ADAMTSL1: variants seen among roughly 807,000 people sequenced by gnomAD.
ADAMTSL1 encodes the protein ADAMTS like 1.
ADAMTSL1 carries 126 observed loss-of-function variants against 201.8 expected under a neutral mutation model. The ratio of observed to expected loss-of-function variants is 0.62; its 90% CI spans 0.54 to 0.72. The LOEUF (loss-of-function observed/expected upper bound fraction) is 0.72. ADAMTSL1 is among the 30% of genes least tolerant of loss of function. The probability of loss-of-function intolerance (pLI) is 0.00; values close to 1 mark genes in which losing one functional copy is unlikely to be tolerated. For missense variants in ADAMTSL1, 2,679 were observed against 2,277.8 expected, an observed-to-expected ratio of 1.18 and a Z score of -3.59; for synonymous variants, 1,121 against 903.4, an observed-to-expected ratio of 1.24 and a Z score of -4.32.
At chr9:18,899,393 A>G (rs1829866050) in intron 26 of ADAMTSL1, among the ~76,000 whole-genome samples, 1 of 152,364 alleles carries the variant, frequency 6.6e-6, no homozygotes, top group East Asian at 1.9e-4. Context: ...TATAGATTCA[A>G]TGCTATTCCC....
At chr9:18,173,440 G>A (rs1827996435) in intron 2 of ADAMTSL1, among the ~76,000 whole-genome samples, 1 of 151,912 alleles carries the variant, frequency 6.6e-6, no homozygotes, top group African/African-American at 2.4e-5. Context: ...TGAAGGAGAG[G>A]GACTCTTTTT....
chr9:18,085,337 T>G (rs1285000266), intron 1 of ADAMTSL1, among the ~76,000 whole-genome samples: 1 of 152,118 alleles, frequency 6.6e-6, no homozygotes, highest in Non-Finnish European at 1.5e-5. Context: ...TTGCCTCCTC[T>G]TTGAAGAAAG....
chr9:18,521,685 C>T (rs1188295554), intron 2 of ADAMTSL1, among the ~76,000 whole-genome samples: 1 of 151,790 alleles, frequency 6.6e-6, no homozygotes, highest in Admixed American at 6.6e-5. Flanking sequence ...GGGAGCAAGC[C>T]CCCTCAAAAT....
At chr9:18,767,156 A>T (rs1335137883) in intron 16 of ADAMTSL1, among the ~76,000 whole-genome samples, 2 of 152,144 alleles carry the variant, frequency 1.3e-5, no homozygotes, top group Non-Finnish European at 2.9e-5. Context: ...GTTCCATTTT[A>T]GGCATGTTTA....
intron 1 of ADAMTSL1, among the ~76,000 whole-genome samples, chr9:18,044,406 G>A (rs1391728116): frequency 6.6e-6 from 1 of 152,160 alleles, no homozygotes; most frequent in East Asian, 1.9e-4. Flanking sequence ...GGACCATGTG[G>A]TGGGATGGTT....
intron 14 of ADAMTSL1, among the ~76,000 whole-genome samples, chr9:18,712,759 A>G (rs1832692342): frequency 1.3e-5 from 2 of 152,146 alleles, no homozygotes; most frequent in South Asian, 2.1e-4. Context: ...CGCCACAAAG[A>G]TACTCCTCGA....
intron 3 of ADAMTSL1, among the ~76,000 whole-genome samples, chr9:18,569,973 G>T (rs762723130): frequency 1.3e-5 from 2 of 152,156 alleles, no homozygotes; most frequent in African/African-American, 4.8e-5. Context: ...GCATCAAAAA[G>T]CATCTCTCCA....
chr9:18,367,963 G>T (rs1045169391), intron 2 of ADAMTSL1, among the ~76,000 whole-genome samples: 1 of 151,930 alleles, frequency 6.6e-6, no homozygotes, highest in African/African-American at 2.4e-5. Context: ...GCAGTGGCGC[G>T]ATCTCGGCTC....
At chr9:18,199,532 A>AAGTT (rs774974819) in intron 2 of ADAMTSL1, among the ~76,000 whole-genome samples, 184 of 152,228 alleles carry the variant, frequency 1.2e-3, no homozygotes, top group Non-Finnish European at 1.4e-3. Flanking sequence ...TAAGATTATG[A>AAGTT]AGTTATTTGT....
At chr9:18,413,324 C>G (rs186631662) in intron 2 of ADAMTSL1, among the ~76,000 whole-genome samples, 1 of 152,138 alleles carries the variant, frequency 6.6e-6, no homozygotes, top group East Asian at 1.9e-4. Context: ...GCCACCACAC[C>G]TGGCTAATTT....
At chr9:18,231,773 CTCTA>C (rs1830655494) in intron 2 of ADAMTSL1, among the ~76,000 whole-genome samples, 1 of 152,196 alleles carries the variant, frequency 6.6e-6, no homozygotes, top group Non-Finnish European at 1.5e-5. Flanking sequence ...TTAGTAGCTA[CTCTA>C]TCTTTCTAGT....
chr9:18,290,467 T>G lies in ADAMTSL1; in HGVS notation c.207+126486T>G, dbSNP rs148141345. On this transcript the variant is annotated intron_variant, in intron 2 of 29. Coordinates refer to the ADAMTSL1 transcript ENST00000680146. Reference sequence around the variant, plus strand: ...TGGGGTTGAACCATCTTGCAAAAATTCTTTCCTTCCTGGCCCCACAAAGCT... The same window carrying G: ...TGGGGTTGAACCATCTTGCAAAAATGCTTTCCTTCCTGGCCCCACAAAGCT... Among the ~76,000 whole-genome samples the G allele has an allele frequency of 4.4e-4, 67 of 152,176 alleles. 1 individual carries two copies. In the East Asian group the frequency reaches 0.012, roughly 27 times the overall value.
intron 23 of ADAMTSL1, among the ~76,000 whole-genome samples, chr9:18,877,848 G>A (rs936974723): frequency 5.3e-5 from 8 of 152,114 alleles, no homozygotes; most frequent in Admixed American, 2.0e-4. Context: ...AAGAGATTAT[G>A]TCCTTTGTCT....
At chr9:17,935,797 T>G (rs1180868543) in intron 1 of ADAMTSL1, among the ~76,000 whole-genome samples, 1 of 152,222 alleles carries the variant, frequency 6.6e-6, no homozygotes, top group Non-Finnish European at 1.5e-5. Flanking sequence ...TGCTTTACAC[T>G]GGTCTCAACT....
At chr9:18,339,773 A>G (rs1010056300) in intron 2 of ADAMTSL1, among the ~76,000 whole-genome samples, 24 of 152,156 alleles carry the variant, frequency 1.6e-4, no homozygotes, top group African/African-American at 5.8e-4. Flanking sequence ...TCCAAACTCT[A>G]GTATCTGCTG....
chr9:18,721,876 G>C (rs1470721467), intron 15 of ADAMTSL1, among the ~76,000 whole-genome samples: 1 of 152,250 alleles, frequency 6.6e-6, no homozygotes, highest in Non-Finnish European at 1.5e-5. Flanking sequence ...GAATCTGGAA[G>C]ATACCGTGCA....
intron 2 of ADAMTSL1, among the ~76,000 whole-genome samples, chr9:18,235,103 CT>C (rs1489184021): frequency 3.9e-5 from 6 of 151,938 alleles, no homozygotes; most frequent in African/African-American, 1.4e-4. Flanking sequence ...AATTTTTTTT[CT>C]GGTCTGGAAT....
At chr9:18,592,333 TAAGAG>T (rs1232702118) in intron 4 of ADAMTSL1, among the ~76,000 whole-genome samples, 2 of 152,172 alleles carry the variant, frequency 1.3e-5, no homozygotes, top group African/African-American at 4.8e-5. Flanking sequence ...TCGCACAGAA[TAAGAG>T]AAGATGACAT....
At chr9:18,026,612 T>C (rs191472385) in intron 1 of ADAMTSL1, among the ~76,000 whole-genome samples, 1 of 152,120 alleles carries the variant, frequency 6.6e-6, no homozygotes, top group African/African-American at 2.4e-5. Context: ...TTTGCAAGTA[T>C]TGTCTTGAGG....
Sources: allele counts gnomAD v4.1 joint callset (sites outside exome capture counted in the v4.1 genomes callset), GRCh38; gene constraint gnomAD v4.1.1; transcripts MANE v1.5; gene names NCBI Gene and HGNC (gene_info 2026-07-23, HGNC 2026-07-21).